The following GNAO1 variants were observed in gnomAD, a reference collection of about 807,000 sequenced individuals.
GNAO1 encodes guanine nucleotide-binding protein G(o) subunit alpha.
For missense variants in GNAO1, 166 were observed against 478.7 expected (o/e 0.35, Z 6.10); for synonymous variants, 164 against 180.7 (o/e 0.91, Z 0.74).
intron 2 of GNAO1, among the ~76,000 whole-genome samples, chr16:56,268,030 G>T (rs2036975166): frequency 6.6e-6 from 1 of 152,128 alleles, no homozygotes; most frequent in Non-Finnish European, 1.5e-5. Flanking sequence ...TCTCCCAGGG[G>T]AGCATCAAGG....
At chr16:56,265,593 T>C (rs2036943735) in intron 2 of GNAO1, among the ~76,000 whole-genome samples, 1 of 152,156 alleles carries the variant, frequency 6.6e-6, no homozygotes. Context: ...AGCTGGTGGG[T>C]TGATGGCTGA....
At chr16:56,321,767 C>T (rs2037573351) in intron 3 of GNAO1, among the ~76,000 whole-genome samples, 1 of 152,198 alleles carries the variant, frequency 6.6e-6, no homozygotes, top group Non-Finnish European at 1.5e-5. Flanking sequence ...TCACTGCCAC[C>T]TGGTAGCGGT....
At position 56,351,170 on chromosome 16, in the gene GNAO1, T is replaced by C. The variant is rs2037917723; in HGVS notation, c.724-214T>C. 6.6e-6 allele frequency among the ~76,000 whole-genome samples: 1 copy of C among 152,180 alleles called. No homozygotes were observed. The highest frequency in any genetic ancestry group is 6.5e-5 in the Admixed American group (1 of 15,284). On this transcript the variant is annotated intron_variant, in intron 6 of 8. Transcript: ENST00000262493. The surrounding 1 kb of genome is among the most constrained non-coding windows in gnomAD (Gnocchi z 6.1). ...GCCATGGCTGGTGTCCAGTCCAGTC[T>C]CTGCCTCTGGCCCCGACATGACGGG...
At chr16:56,223,173 G>A (rs146868272) in intron 2 of GNAO1, among the ~76,000 whole-genome samples, 3 of 152,192 alleles carry the variant, frequency 2.0e-5, no homozygotes, top group African/African-American at 7.2e-5. Context: ...GGGCTTCTAG[G>A]GGGGAGAATC....
chr16:56,311,171 T>C lies in GNAO1; in HGVS notation c.304-17460T>C, dbSNP rs1254232021. On this transcript the variant is annotated intron_variant, in intron 3 of 8. Transcript: ENST00000262493. The surrounding 1 kb of genome is among the most constrained non-coding windows in gnomAD (Gnocchi z 5.2). ...ATCTACCCTGGCCAGGGTGTGGGGC[T>C]TGGGGGTGGAGATGGGGGAGAGAGG... 3.2e-5 allele frequency among the ~76,000 whole-genome samples: 4 copies of C among 124,290 alleles called. No homozygotes were observed. The highest frequency in any genetic ancestry group is 5.1e-5 in the Non-Finnish European group (3 of 58,838). The allele number at this position is 124,290 out of a possible 152,430, so 81.5% of individuals were successfully genotyped here.
At chr16:56,257,966 A>T (rs1430332095) in intron 2 of GNAO1, among the ~76,000 whole-genome samples, 2 of 152,352 alleles carry the variant, frequency 1.3e-5, no homozygotes, top group East Asian at 3.9e-4. Flanking sequence ...CTTCAGGAGA[A>T]CCAGAAATCA....
At chr16:56,214,058 G>T (rs1481313709) in intron 2 of GNAO1, among the ~76,000 whole-genome samples, 1 of 152,118 alleles carries the variant, frequency 6.6e-6, no homozygotes, top group East Asian at 1.9e-4. Context: ...GGAAGGGAAG[G>T]ATCCCTTCCA....
chr16:56,210,664 A>G (rs2036377731), intron 2 of GNAO1, among the ~76,000 whole-genome samples: 1 of 152,246 alleles, frequency 6.6e-6, no homozygotes, highest in South Asian at 2.1e-4. Context: ...TTCTCTAATG[A>G]TAAATGATGC....
intron 2 of GNAO1, among the ~76,000 whole-genome samples, chr16:56,220,892 T>C (rs747820667): frequency 3.9e-5 from 6 of 152,064 alleles, no homozygotes; most frequent in Non-Finnish European, 8.8e-5. Flanking sequence ...GGATTACAGG[T>C]GCCTGCCACC....
At chr16:56,204,226 C>T (rs1412678726) in intron 2 of GNAO1, among the ~76,000 whole-genome samples, 1 of 152,130 alleles carries the variant, frequency 6.6e-6, no homozygotes, top group Non-Finnish European at 1.5e-5. Context: ...GAAGAGATAG[C>T]AGAGAGGATA....
intron 2 of GNAO1, among the ~76,000 whole-genome samples, chr16:56,261,411 G>T (rs1389629932): frequency 6.6e-6 from 1 of 152,222 alleles, no homozygotes; most frequent in Non-Finnish European, 1.5e-5. Flanking sequence ...GAGGGATTCT[G>T]TCCATGCCCC....
chr16:56,252,338 C>A (rs2036807136), intron 2 of GNAO1, among the ~76,000 whole-genome samples: 1 of 152,154 alleles, frequency 6.6e-6, no homozygotes, highest in Non-Finnish European at 1.5e-5. Context: ...TGGACAGGAC[C>A]CTCAGACAAG....
intron 3 of GNAO1, among the ~76,000 whole-genome samples, chr16:56,284,252 C>A (rs1239799473): frequency 5.9e-5 from 9 of 152,222 alleles, no homozygotes; most frequent in African/African-American, 2.2e-4. Context: ...AGGTAAACGC[C>A]TTGGTTTCCA....
chr16:56,223,716 G>A (rs2036511265), intron 2 of GNAO1, among the ~76,000 whole-genome samples: 1 of 152,192 alleles, frequency 6.6e-6, no homozygotes, highest in Non-Finnish European at 1.5e-5. Context: ...TGGAATGTTG[G>A]TAAATACTTA....
rs148499543 is a variant in GNAO1, at chr16:56,333,934, C to T, written c.465-795C>T. ...CTCCCCACTTCCTGATTTCCCAGAT[C>T]CTACCCTGGCTTTAGGTTCAAACTT... On this transcript the variant is annotated intron_variant, in intron 4 of 8. Coordinates refer to ENST00000262493, the MANE Select transcript of GNAO1 (RefSeq NM_020988.3). 4.4e-3 allele frequency among the ~76,000 whole-genome samples: 671 copies of T among 152,386 alleles called. 8 individuals are homozygous for T. Among genetic ancestry groups the T allele is most frequent in the African/African-American group, 0.015 (623 of 41,598 alleles).
At chr16:56,338,401 C>T (rs1485152601) in intron 6 of GNAO1, among the ~76,000 whole-genome samples, 1 of 152,246 alleles carries the variant, frequency 6.6e-6, no homozygotes, top group East Asian at 1.9e-4. Context: ...CCCAGACTCA[C>T]TGACCACCCA....
rs113093154 is a variant in GNAO1, at chr16:56,302,036, G to A, written c.303+25964G>A. 1,132 of 152,366 alleles carry A rather than the reference G, an allele frequency of 7.4e-3. 8 individuals carry two copies. Among genetic ancestry groups the A allele is most frequent in the Non-Finnish European group, 9.9e-3 (676 of 68,098 alleles). The allele number at this position is 152,366 out of a possible 1,614,324, so 9.4% of individuals were successfully genotyped here. A position where few individuals can be genotyped will look rare whatever the true frequency, so the allele number is the denominator to read the frequency against. ...GGTCCTGCCTGTGGGTCATCCAGCA[G>A]CAGCACCTCTGTCCAGTCCCACACT... On this transcript the variant is annotated intron_variant, in intron 3 of 8. Coordinates refer to ENST00000262493, the MANE Select transcript of GNAO1 (RefSeq NM_020988.3).
chr16:56,343,622 TC>T, intron 6 of GNAO1: 1 of 620,098 alleles, frequency 1.6e-6, no homozygotes. Flanking sequence ...ACCCCTCAGG[TC>T]CCCTCCATCA....
chr16:56,353,963 A>G (rs1276123223), intron 7 of GNAO1, among the ~76,000 whole-genome samples: 1 of 152,154 alleles, frequency 6.6e-6, no homozygotes, highest in Non-Finnish European at 1.5e-5. Context: ...ATGTCCCCTT[A>G]AACTTCCCAC....
Sources: allele counts gnomAD v4.1 joint callset (sites outside exome capture counted in the v4.1 genomes callset), GRCh38; gene constraint gnomAD v4.1.1; non-coding constraint Gnocchi (gnomAD v3.1); transcripts MANE v1.5; gene names NCBI Gene and HGNC (gene_info 2026-07-23, HGNC 2026-07-21).